The following NPAS1 variants were observed in gnomAD, a reference collection of about 807,000 sequenced individuals.
NPAS1 encodes the protein neuronal PAS domain protein 1.
A neutral mutation model predicts 49.2 loss-of-function variants in NPAS1; 29 were observed. That is an observed-to-expected ratio of 0.59 (90% CI 0.44 to 0.80). The LOEUF (loss-of-function observed/expected upper bound fraction) is 0.80, where lower values mean the gene tolerates loss of function less well. Among genes scored for constraint, NPAS1 ranks in the 30% least tolerant of loss-of-function variants. The pLI is 0.00. For synonymous variants in NPAS1, 408 were observed against 380.4 expected, an observed-to-expected ratio of 1.07 and a Z score of -0.84; for missense variants, 825 against 835.5, an observed-to-expected ratio of 0.99 and a Z score of 0.15.
chr19:47,036,166 G>A, intron 6 of NPAS1, 37 bp downstream of exon 6: 2 of 1,544,846 alleles, frequency 1.3e-6, no homozygotes, highest in Non-Finnish European at 1.7e-6. Context: ...AAGTCTGAGG[G>A]TAGATCGGGG....
At chr19:47,032,237 G>T (rs1439113231) in intron 3 of NPAS1, 41 bp from the exon 4 acceptor site, 9 of 1,590,548 alleles carry the variant, frequency 5.7e-6, no homozygotes, top group African/African-American at 1.3e-5. Flanking sequence ...CCTGGGCAGG[G>T]TCAGCCAGAC....
At chr19:47,020,812 G>A (rs1223430766) in intron 1 of NPAS1, 194 bp from the exon 2 acceptor site, 4 of 361,194 alleles carry the variant, frequency 1.1e-5, no homozygotes, top group Admixed American at 4.7e-5. Context: ...GGCGGGGCAC[G>A]TCCTCACCCG....
At position 47,045,279 on chromosome 19, in the gene NPAS1, C is replaced by T. The variant is rs141649686; in HGVS notation, c.1401C>T (p.Pro467=). Residue 467 remains proline (P), a synonymous_variant, in exon 12 of 12, where the codon CCC becomes CCT. Transcript: ENST00000602212. ...QTQGKRIKVE[P]GPRETKGSED... is the part of the protein sequence containing the mutation. ...AGGGCAAACGCATCAAAGTGGAGCC[C>T]GGCCCGAGGGAAACCAAAGGCTCCG... The T allele has an allele frequency of 9.9e-6, 16 of 1,614,054 alleles. No individual in the cohort carries two copies. In the East Asian group the frequency reaches 1.1e-4, roughly 11 times the overall value.
At chr19:47,035,708 C>T (rs1471605752) in intron 5 of NPAS1, among the ~76,000 whole-genome samples, 5 of 152,232 alleles carry the variant, frequency 3.3e-5, no homozygotes, top group Non-Finnish European at 7.3e-5. Context: ...CCACGCCCCA[C>T]TCCCACACAC....
rs556790146 is a variant in NPAS1 at position 47,020,980 on chromosome 19, T to C, written c.-42-26T>C. 2.8e-4 allele frequency: 393 copies of C among 1,396,684 alleles called. 3 individuals are homozygous for C. In the Admixed American group the frequency reaches 7.9e-3, roughly 28 times the overall value. The allele number at this position is 1,396,684 out of a possible 1,614,324, so 86.5% of individuals were successfully genotyped here. On this transcript the variant is annotated intron_variant, in intron 1 of 11. Transcript: ENST00000602212. ...GAAGGTCTCCCGAGGGCACTAAGCG[T>C]TGCCCCTGGCCCCCTCCCGCTGCAG...
In NPAS1 at chr19:47,045,631, C is replaced by T; in HGVS notation, c.1753C>T (p.Leu585=). 1 of 1,431,506 alleles carries T rather than the reference C, an allele frequency of 7.0e-7. No homozygotes were observed. Among genetic ancestry groups the T allele is most frequent in the Non-Finnish European group, 9.1e-7 (1 of 1,103,920 alleles). 88.7% of individuals were successfully genotyped at this position (1,431,506 alleles called of 1,614,324 possible). A position where few individuals can be genotyped will look rare whatever the true frequency, so the allele number is the denominator to read the frequency against. ...LPYPGPAGTR[L]PRKGD is the part of the protein sequence containing the mutation. Reference sequence around the variant, plus strand: ...CTACCCGGGGCCCGCGGGCACCAGGCTGCCGCGGAAGGGGGACTGAGGACT... The same window carrying T: ...CTACCCGGGGCCCGCGGGCACCAGGTTGCCGCGGAAGGGGGACTGAGGACT... The change falls in exon 12 of 12, where the codon CTG becomes TTG. Residue 585 remains leucine, a synonymous_variant. Transcript: ENST00000602212.
Position 47,042,790 on chromosome 19 carries a change from C to A in NPAS1, c.1218-20C>A. 6.3e-7 allele frequency: 1 copy of A among 1,592,872 alleles called. No homozygotes were observed. The highest frequency in any genetic ancestry group is 1.4e-5 in the African/African-American group (1 of 73,926). On this transcript the variant is annotated intron_variant, in intron 10 of 11. Coordinates refer to ENST00000602212, the MANE Select transcript of NPAS1 (RefSeq NM_002517.4). ...AGGCCAAGGACCCCTGGCTCCTAAC[C>A]GCATCCATCTTCTCCCCAGCCAAGC...
chr19:47,038,556 G>A (rs1437049961), intron 6 of NPAS1, among the ~76,000 whole-genome samples: 1 of 150,548 alleles, frequency 6.6e-6, no homozygotes, highest in African/African-American at 2.4e-5. Flanking sequence ...ACCAGACATG[G>A]TGGCTCACAC....
chr19:47,041,013 C>G lies in NPAS1; in HGVS notation c.1105C>G (p.Arg369Gly). ...GGGTCAGGTGATGACTGGTTACTAC[C>G]GTTGGCTGCAGCGTGCCGGGGGCTT... The part of the protein sequence containing the change: ...DKGQVMTGYY[R>G]WLQRAGGFVW... The change falls in exon 10 of 12, where the codon CGT becomes GGT. Residue 369 changes from arginine to glycine, a missense_variant. By Grantham distance (125) the Arg-to-Gly change is moderately radical. Transcript: ENST00000602212. 1 of 1,545,996 alleles carries G rather than the reference C, an allele frequency of 6.5e-7. No homozygotes were observed. The highest frequency in any genetic ancestry group is 8.7e-7 in the Non-Finnish European group (1 of 1,148,440).
At chr19:47,024,979 T>G (rs2056862615) in intron 3 of NPAS1, among the ~76,000 whole-genome samples, 1 of 150,614 alleles carries the variant, frequency 6.6e-6, no homozygotes, top group Admixed American at 6.7e-5. Flanking sequence ...CTGGCTAATT[T>G]TTTGTATTTT....
rs2056996673 is a variant in NPAS1 at position 47,039,539 on chromosome 19, C to T, written c.937C>T (p.Leu313Phe). ...GATCGTCTTCCGTCTCAGCCTGGGT[C>T]TCACCATCCTTGCTTGTGAGAGCAG... ...HMIVFRLSLG[L>F]TILACESRVS... The change falls in exon 8 of 12, where the codon CTC becomes TTC. Residue 313 changes from leucine (L) to phenylalanine (F), a missense_variant. Coordinates refer to ENST00000602212, the MANE Select transcript of NPAS1 (RefSeq NM_002517.4). 1.3e-6 allele frequency: 2 copies of T among 1,590,338 alleles called. No homozygotes were observed. Among genetic ancestry groups the T allele is most frequent in the South Asian group, 2.3e-5 (2 of 88,750 alleles).
chr19:47,028,590 C>T (rs908354597), intron 3 of NPAS1, among the ~76,000 whole-genome samples: 2 of 152,148 alleles, frequency 1.3e-5, no homozygotes, highest in African/African-American at 4.8e-5. Flanking sequence ...GGACTGAATG[C>T]GTAACCAGCC....
chr19:47,044,324 G>T (rs2057052316), intron 11 of NPAS1, among the ~76,000 whole-genome samples: 1 of 152,040 alleles, frequency 6.6e-6, no homozygotes, highest in East Asian at 1.9e-4. Flanking sequence ...TCTCCTGCCT[G>T]GGCCTCCCAA....
Position 47,045,487 on chromosome 19 carries a change from T to A in NPAS1, c.1609T>A (p.Cys537Ser). ...CCTGCCGCCGGTGGTGCGGGGCCTG[T>A]GCACACCCGGCACCATCCGCTACGG... ...GFLPPVVRGL[C>S]TPGTIRYGPA... is the part of the protein sequence containing the mutation. The change falls in exon 12 of 12, where the codon TGC (cysteine) becomes AGC (serine). Residue 537 changes from cysteine (C) to serine (S), a missense_variant. Transcript: ENST00000602212. The A allele has an allele frequency of 1.3e-6, 2 of 1,566,104 alleles. No homozygotes were observed. The highest frequency in any genetic ancestry group is 1.7e-6 in the Non-Finnish European group (2 of 1,160,280).
chr19:47,035,847 C>G, intron 5 of NPAS1, 117 bp from the exon 6 acceptor site: 1 of 1,024,324 alleles, frequency 9.8e-7, no homozygotes, highest in Non-Finnish European at 1.4e-6. Flanking sequence ...TAAAAAAACA[C>G]ACTGGCATGA....
chr19:47,045,756 T>A lies in NPAS1; in HGVS notation c.*105T>A. 9.0e-7 allele frequency: 1 copy of A among 1,110,838 alleles called. No individual in the cohort carries two copies. The highest frequency in any genetic ancestry group is 1.2e-6 in the Non-Finnish European group (1 of 821,714). 68.8% of individuals were successfully genotyped at this position (1,110,838 alleles called of 1,614,324 possible). On this transcript the variant is annotated 3_prime_UTR_variant, in exon 12 of 12. Coordinates refer to ENST00000602212, the MANE Select transcript of NPAS1 (RefSeq NM_002517.4). ...CTGAGAATTAAACGCCGGCTCTCCCTGCAGTGGTTTGGGCTCCGGGCTGTG... is the reference window on the plus strand; with the variant it reads ...CTGAGAATTAAACGCCGGCTCTCCCAGCAGTGGTTTGGGCTCCGGGCTGTG...
chr19:47,040,613 C>T, intron 9 of NPAS1, 63 bp downstream of exon 9: 1 of 1,174,424 alleles, frequency 8.5e-7, no homozygotes, highest in Non-Finnish European at 1.2e-6. Flanking sequence ...ATCCCACTCC[C>T]TGGTCCCTGG....
intron 6 of NPAS1, among the ~76,000 whole-genome samples, chr19:47,038,225 A>G (rs903658085): frequency 6.6e-6 from 1 of 152,202 alleles, no homozygotes; most frequent in Admixed American, 6.5e-5. Context: ...AGCATTAGAA[A>G]GACGTAGATG....
rs1344903057 is a variant in NPAS1 at position 47,037,869 on chromosome 19, T to G, written c.689-1167T>G. ...GTAGGGGTTACAGAAGGATCTGGAT[T>G]TGTGAGTCTTATTTATTGCTATTCC... is the stretch of plus-strand genomic sequence containing the variant. On this transcript the variant is annotated intron_variant, in intron 6 of 11. Transcript: ENST00000602212. Among the ~76,000 whole-genome samples, 4 of 152,138 alleles carry G rather than the reference T, an allele frequency of 2.6e-5. No homozygotes were observed. In the East Asian group the frequency reaches 7.7e-4, roughly 29 times the overall value.
Sources: allele counts gnomAD v4.1 joint callset (sites outside exome capture counted in the v4.1 genomes callset), GRCh38; gene constraint gnomAD v4.1.1; transcripts MANE v1.5; gene names NCBI Gene and HGNC (gene_info 2026-07-23, HGNC 2026-07-21).